STAC: variants seen among roughly 807,000 people sequenced by gnomAD.
The protein encoded by STAC is SH3 and cysteine rich domain.
STAC carries 43 observed loss-of-function variants against 48.8 expected under a neutral mutation model. That is an observed-to-expected ratio of 0.88 (90% CI 0.69 to 1.14). STAC has a LOEUF of 1.14. Ranked by LOEUF, STAC falls within the 50% of genes most tolerant of loss-of-function variation. The probability of loss-of-function intolerance (pLI) is 0.00; values close to 1 mark genes in which losing one functional copy is unlikely to be tolerated. For synonymous variants in STAC, 193 were observed against 179.5 expected (o/e 1.07, Z -0.60); for missense variants, 497 against 504.0 (o/e 0.99, Z 0.13).
intron 5 of STAC, among the ~76,000 whole-genome samples, chr3:36,492,031 A>T (rs867488203): frequency 2.3e-3 from 38 of 16,426 alleles, no homozygotes; most frequent in African/African-American, 3.0e-3. Flanking sequence ...AAAAAAAAAA[A>T]ATATATATAT....
intron 1 of STAC, among the ~76,000 whole-genome samples, chr3:36,402,346 G>A (rs1700013457): frequency 6.6e-6 from 1 of 151,834 alleles, no homozygotes; most frequent in African/African-American, 2.4e-5. Flanking sequence ...GAAGAAGATG[G>A]GGAGAAAGAG....
At chr3:36,522,493 A>G (rs1698830661) in intron 8 of STAC, among the ~76,000 whole-genome samples, 1 of 152,238 alleles carries the variant, frequency 6.6e-6, no homozygotes, top group East Asian at 1.9e-4. Context: ...ACCCAGGCTT[A>G]GATAATTTTT....
At position 36,524,926 on chromosome 3, in the gene STAC, G is replaced by A. The variant is rs74958377; in HGVS notation, c.921-3770G>A. ...GCTATCTCTGCCAGGTACTTAGAGC[G>A]TTTGGCTAATCTCAAGAGGAGTCTA... On this transcript the variant is annotated intron_variant, in intron 8 of 10. Transcript: ENST00000273183. Among the ~76,000 whole-genome samples the A allele has an allele frequency of 3.5e-3, 536 of 152,266 alleles. 1 individual carries two copies. The highest frequency in any genetic ancestry group is 0.012 in the African/African-American group (498 of 41,554).
intron 5 of STAC, among the ~76,000 whole-genome samples, chr3:36,491,754 C>A (rs956839609): frequency 6.6e-6 from 1 of 151,464 alleles, no homozygotes; most frequent in African/African-American, 2.4e-5. Context: ...TGGCTCACGC[C>A]TATAATCCCA....
At position 36,493,877 on chromosome 3, in the gene STAC, G is replaced by A. The variant is rs948808127; in HGVS notation, c.766+648G>A. On this transcript the variant is annotated intron_variant, in intron 6 of 10. Transcript: ENST00000273183. ...AAGAAAGAGCCACCTCTGGCCGGGC[G>A]CGGTGGCTCACGCTTGTAATCCCAG... Among the ~76,000 whole-genome samples, 8 of 151,668 alleles carry A rather than the reference G, an allele frequency of 5.3e-5. No homozygotes were observed. In the East Asian group the frequency reaches 9.8e-4, roughly 19 times the overall value.
At chr3:36,435,808 CT>C (rs1254264139) in intron 1 of STAC, among the ~76,000 whole-genome samples, 1 of 152,154 alleles carries the variant, frequency 6.6e-6, no homozygotes, top group Non-Finnish European at 1.5e-5. Context: ...TCATTTCATG[CT>C]TTTGGCTATT....
intron 1 of STAC, among the ~76,000 whole-genome samples, chr3:36,419,047 CA>C (rs1193056059): frequency 0.1 from 9,372 of 90,420 alleles, 263 homozygotes; most frequent in Middle Eastern, 0.13. Flanking sequence ...AACTCCGACT[CA>C]AAAAAAAAAA....
At chr3:36,412,148 C>A (rs1248727832) in intron 1 of STAC, among the ~76,000 whole-genome samples, 1 of 152,154 alleles carries the variant, frequency 6.6e-6, no homozygotes, top group Non-Finnish European at 1.5e-5. Flanking sequence ...TCAGCAAAGT[C>A]ATGAAGATCT....
At chr3:36,431,613 A>AAGGAGG (rs1700706720) in intron 1 of STAC, among the ~76,000 whole-genome samples, 1 of 152,210 alleles carries the variant, frequency 6.6e-6, no homozygotes, top group Admixed American at 6.5e-5. Context: ...TCTCCCTGAA[A>AAGGAGG]AGGAGGCCTC....
intron 2 of STAC, among the ~76,000 whole-genome samples, chr3:36,473,287 G>A (rs893874928): frequency 2.0e-5 from 3 of 152,156 alleles, no homozygotes; most frequent in Non-Finnish European, 4.4e-5. Flanking sequence ...GTTGAGATTT[G>A]GGTGGGGGCA....
intron 2 of STAC, among the ~76,000 whole-genome samples, chr3:36,480,324 T>A (rs961287616): frequency 3.3e-5 from 5 of 152,228 alleles, no homozygotes; most frequent in African/African-American, 1.2e-4. Context: ...CAAGCATACA[T>A]GCCCAATAAT....
At chr3:36,387,300 G>A (rs1243743290) in intron 1 of STAC, among the ~76,000 whole-genome samples, 1 of 151,768 alleles carries the variant, frequency 6.6e-6, no homozygotes, top group Non-Finnish European at 1.5e-5. Flanking sequence ...ACCAACCTAG[G>A]TTTTTCTTGA....
At chr3:36,446,491 G>A (rs896799782) in intron 2 of STAC, among the ~76,000 whole-genome samples, 4 of 152,170 alleles carry the variant, frequency 2.6e-5, no homozygotes, top group Admixed American at 6.5e-5. Flanking sequence ...TTAGGGGTGG[G>A]AGAACTCAGC....
chr3:36,482,855 T>A (rs554950054), intron 2 of STAC, 137 bp from the exon 3 acceptor site: 32 of 624,810 alleles, frequency 5.1e-5, no homozygotes, highest in South Asian at 1.4e-4. Flanking sequence ...CCATATATAT[T>A]TTTTTTCTAT....
At chr3:36,403,206 A>T (rs900643930) in intron 1 of STAC, among the ~76,000 whole-genome samples, 1 of 152,256 alleles carries the variant, frequency 6.6e-6, no homozygotes, top group Non-Finnish European at 1.5e-5. Context: ...TAAGTAATTT[A>T]AAAACAATCA....
intron 2 of STAC, among the ~76,000 whole-genome samples, chr3:36,470,668 C>T (rs1327845136): frequency 1.3e-5 from 2 of 152,246 alleles, no homozygotes; most frequent in Non-Finnish European, 2.9e-5. Context: ...TCCTGGTATG[C>T]TCCTGTGGTA....
At chr3:36,385,930 G>A (rs886432787) in intron 1 of STAC, among the ~76,000 whole-genome samples, 7 of 152,008 alleles carry the variant, frequency 4.6e-5, no homozygotes, top group African/African-American at 1.7e-4. Flanking sequence ...GTTTTGGGCT[G>A]CTATAAGCCA....
At chr3:36,524,920 T>TA (rs1575261568) in intron 8 of STAC, among the ~76,000 whole-genome samples, 1 of 152,186 alleles carries the variant, frequency 6.6e-6, no homozygotes, top group African/African-American at 2.4e-5. Flanking sequence ...GCCAGGTACT[T>TA]AGAGCGTTTG....
intron 1 of STAC, among the ~76,000 whole-genome samples, chr3:36,440,651 C>T (rs1490045453): frequency 5.3e-5 from 8 of 152,216 alleles, no homozygotes; most frequent in African/African-American, 1.9e-4. Flanking sequence ...GAGTGGGAAA[C>T]TAGGCTCCAC....
Sources: gnomAD v4.1 joint callset for allele counts (sites outside exome capture counted in the v4.1 genomes callset) on GRCh38, gnomAD v4.1.1 for gene constraint, MANE v1.5 for transcripts, NCBI Gene and HGNC (gene_info 2026-07-23, HGNC 2026-07-21) for gene names.